Variants in PRKDC observed in about 807,000 individuals in gnomAD.
PRKDC encodes protein kinase, DNA-activated, catalytic subunit.
PRKDC carries 82 observed loss-of-function variants against 486.9 expected under a neutral mutation model. The observed-to-expected ratio is 0.17, with a 90% CI of 0.14 to 0.20. The LOEUF is 0.20. PRKDC is among the 10% of genes least tolerant of loss of function. The pLI is 1.00. For missense variants in PRKDC, 4,504 were observed against 5,038.2 expected, an observed-to-expected ratio of 0.89 and a Z score of 3.21; for synonymous variants, 1,895 against 1,837.0, an observed-to-expected ratio of 1.03 and a Z score of -0.81.
In PRKDC at chr8:47,805,461, C is replaced by T. The variant is rs2087198863; in HGVS notation, c.9747+1676G>A. 2.6e-5 allele frequency among the ~76,000 whole-genome samples: 4 copies of T among 152,122 alleles called. No homozygotes were observed. In the South Asian group the frequency reaches 8.3e-4, roughly 32 times the overall value. On this transcript the variant is annotated intron_variant, in intron 69 of 85. Transcript: ENST00000314191. ...TAAATGTCTATTCAAACACTTCATG[C>T]CCATTTCTTAATTGGGTTGTTTGAC...
intron 7 of PRKDC, among the ~76,000 whole-genome samples, chr8:47,952,667 G>A (rs2090644594): frequency 6.6e-6 from 1 of 151,332 alleles, no homozygotes; most frequent in South Asian, 2.1e-4. Context: ...ACCAGCCTGG[G>A]CAACATAATG....
In PRKDC at chr8:47,793,648, GAAATAA is replaced by G. The variant is rs2086923225; in HGVS notation, c.10670+636_10670+641del. 6.2e-4 allele frequency among the ~76,000 whole-genome samples: 17 copies of G among 27,580 alleles called. No homozygotes were observed. In the South Asian group the frequency reaches 0.015, roughly 25 times the overall value. 18.1% of individuals were successfully genotyped at this position (27,580 alleles called of 152,430 possible). The stretch of plus-strand genomic sequence containing the variant: ...TCTCAAAAAAAAAATAAAAAATAAA[GAAATAA>G]AAATAAAAATAAATTAATTTAAAAA... On this transcript the variant is annotated intron_variant, in intron 74 of 85. Transcript: ENST00000314191.
chr8:47,922,000 C>T (rs1024286205), intron 21 of PRKDC, among the ~76,000 whole-genome samples: 8 of 152,070 alleles, frequency 5.3e-5, no homozygotes, highest in African/African-American at 1.4e-4. Context: ...AGGTTGGTCT[C>T]GAACTCATGA....
intron 52 of PRKDC, 94 bp from the exon 53 acceptor site, chr8:47,849,597 A>G: frequency 7.2e-7 from 1 of 1,392,700 alleles, no homozygotes; most frequent in East Asian, 2.4e-5. Context: ...AGTGAGCCCA[A>G]CAAAGGTGCT....
intron 16 of PRKDC, 139 bp downstream of exon 16, chr8:47,932,881 C>T (rs2090280385): frequency 3.3e-6 from 2 of 602,636 alleles, no homozygotes; most frequent in South Asian, 5.9e-5. Flanking sequence ...AGAAATGCAT[C>T]AGTGGCACAT....
chr8:47,880,129 G>A (rs1024976945), intron 38 of PRKDC, among the ~76,000 whole-genome samples: 23 of 152,086 alleles, frequency 1.5e-4, no homozygotes, highest in Non-Finnish European at 2.6e-4. Context: ...GATTACAGGC[G>A]TGAGCCACCG....
chr8:47,936,378 G>C lies in PRKDC; in HGVS notation c.1253C>G (p.Ala418Gly), dbSNP rs976804313. Residue 418 changes from alanine to glycine, a missense_variant, in exon 12 of 86, where the codon GCA becomes GGA. By Grantham distance (60) the Ala-to-Gly change is moderately conservative (BLOSUM62 0). Around this residue, in one of 6 missense-constraint regions of PRKDC, gnomAD observed 1,969 missense variants for 2,068.9 expected, o/e 0.95. Coordinates refer to ENST00000314191, the MANE Select transcript of PRKDC (RefSeq NM_006904.7). Reference protein sequence around the residue: ...YQMPSFLQSVASVLLYLDTVP... With the variant: ...YQMPSFLQSVGSVLLYLDTVP... ...TGTGTCAAGGTACAGCAAGACGCTT[G>C]CAACAGACTGGAGGAAGCTTGGCAT... The C allele has an allele frequency of 3.8e-5, 62 of 1,613,406 alleles. No individual in the cohort carries two copies. Among genetic ancestry groups the C allele is most frequent in the Non-Finnish European group, 5.2e-5 (61 of 1,179,518 alleles).
intron 7 of PRKDC, among the ~76,000 whole-genome samples, chr8:47,945,729 CCT>C (rs2090522536): frequency 6.6e-6 from 1 of 151,574 alleles, no homozygotes; most frequent in South Asian, 2.1e-4. Flanking sequence ...AAAATTCTAT[CCT>C]TTTTTTTTGA....
At chr8:47,915,958 G>A (rs2089975909) in intron 22 of PRKDC, among the ~76,000 whole-genome samples, 1 of 152,102 alleles carries the variant, frequency 6.6e-6, no homozygotes, top group African/African-American at 2.4e-5. Flanking sequence ...TGAACTCTAC[G>A]TACTCTACTA....
chr8:47,847,337 G>C (rs1460022280), intron 54 of PRKDC, among the ~76,000 whole-genome samples: 1 of 152,080 alleles, frequency 6.6e-6, no homozygotes, highest in Non-Finnish European at 1.5e-5. Flanking sequence ...GAACAGAATG[G>C]AGAACCCAGA....
chr8:47,855,309 T>C lies in PRKDC; in HGVS notation c.6674A>G (p.His2225Arg). Residue 2225 changes from histidine to arginine, a missense_variant, in exon 50 of 86, where the codon CAT becomes CGT. By Grantham distance (29) the His-to-Arg change is conservative. Around this residue, in one of 6 missense-constraint regions of PRKDC, gnomAD observed 1,592 missense variants for 1,724.6 expected, o/e 0.92. Coordinates refer to ENST00000314191, the MANE Select transcript of PRKDC (RefSeq NM_006904.7). The part of the protein sequence containing the change: ...LLNFLMKHVF[H>R]PKRAVFRHNL... Reference sequence around the variant, plus strand: ...GTGTCTAAACACAGCTCTTTTTGGATGAAAGACATGTTTCATTAGGAAATT... The same window carrying C: ...GTGTCTAAACACAGCTCTTTTTGGACGAAAGACATGTTTCATTAGGAAATT... 1 of 1,601,016 alleles carries C rather than the reference T, an allele frequency of 6.2e-7. No homozygotes were observed. The highest frequency in any genetic ancestry group is 8.5e-7 in the Non-Finnish European group (1 of 1,172,768).
intron 74 of PRKDC, among the ~76,000 whole-genome samples, chr8:47,790,444 G>T (rs1195480081): frequency 6.6e-6 from 1 of 152,170 alleles, no homozygotes; most frequent in Non-Finnish European, 1.5e-5. Flanking sequence ...CATGTTCATG[G>T]ATGGGAAGAA....
intron 40 of PRKDC, among the ~76,000 whole-genome samples, chr8:47,871,201 A>T (rs1338169391): frequency 6.6e-6 from 1 of 152,192 alleles, no homozygotes; most frequent in Non-Finnish European, 1.5e-5. Context: ...TTCCAAACCT[A>T]TTGAGAAAGA....
At chr8:47,831,732 C>G (rs1347863227) in intron 60 of PRKDC, 82 bp downstream of exon 60, 1 of 1,449,762 alleles carries the variant, frequency 6.9e-7, no homozygotes, top group Non-Finnish European at 9.7e-7. Flanking sequence ...GAGGCAGTGT[C>G]TGGCAGGAAG....
intron 70 of PRKDC, 93 bp from the exon 71 acceptor site, chr8:47,801,079 C>G (rs2087098866): frequency 7.6e-7 from 1 of 1,310,902 alleles, no homozygotes; most frequent in Non-Finnish European, 1.0e-6. Flanking sequence ...GTTTTCTTTT[C>G]TTTTGTTTTT....
chr8:47,782,341 G>T lies in PRKDC; in HGVS notation c.11396+37C>A. ...CAGTCCCGTGGACGCCAAGCAATAT[G>T]CAGCAGCCTACTGGCTGGGAGCAGC... is the stretch of plus-strand genomic sequence containing the variant. On this transcript the variant is annotated intron_variant, in intron 79 of 85. Coordinates refer to ENST00000314191, the MANE Select transcript of PRKDC (RefSeq NM_006904.7). This position sits in a 1 kb window ranked among gnomAD's most constrained non-coding sequence, Gnocchi z 4.9. 2 of 1,609,526 alleles carry T rather than the reference G, an allele frequency of 1.2e-6. No individual in the cohort carries two copies. The highest frequency in any genetic ancestry group is 1.7e-5 in the Admixed American group (1 of 59,276).
Position 47,817,454 on chromosome 8 carries a change from T to G in PRKDC, c.9553A>C (p.Asn3185His), listed in dbSNP as rs777145246. The change falls in exon 68 of 86, where the codon AAT becomes CAT. Residue 3185 changes from asparagine (N) to histidine (H), a missense_variant. Asn to His is a moderately conservative substitution (Grantham distance 68, BLOSUM62 1). Around this residue, in one of 6 missense-constraint regions of PRKDC, gnomAD observed 1,592 missense variants for 1,724.6 expected, o/e 0.92. Transcript: ENST00000314191. ...CTGAAAGGGACCACGTCTTACCGAT[T>G]TGTGATGATGTCATCCCAGATGTTC... Reference protein sequence around the residue: ...PMNIWDDIITNRCFFLSKIEE... With the variant: ...PMNIWDDIITHRCFFLSKIEE... 2 of 1,589,846 alleles carry G rather than the reference T, an allele frequency of 1.3e-6. No homozygotes were observed. The highest frequency in any genetic ancestry group is 2.3e-5 in the South Asian group (2 of 88,296).
intron 30 of PRKDC, among the ~76,000 whole-genome samples, chr8:47,893,789 T>C (rs1206625971): frequency 2.0e-5 from 3 of 152,244 alleles, no homozygotes; most frequent in Non-Finnish European, 2.9e-5. Context: ...ACACAGTAAG[T>C]GCAGTGTTTG....
At position 47,786,873 on chromosome 8, in the gene PRKDC, G is replaced by A. The variant is rs567939855; in HGVS notation, c.10903-1556C>T. The stretch of plus-strand genomic sequence containing the variant: ...CCCTCCTGAGTAGCTGGGACTACAG[G>A]TGCACACCACCGTGCCTGGCTAATT... On this transcript the variant is annotated intron_variant, in intron 76 of 85. Transcript: ENST00000314191. Among the ~76,000 whole-genome samples, 3 of 151,550 alleles carry A rather than the reference G, an allele frequency of 2.0e-5. No individual in the cohort carries two copies. In the South Asian group the frequency reaches 6.3e-4, roughly 32 times the overall value.
Sources: gnomAD v4.1 joint callset for allele counts (sites outside exome capture counted in the v4.1 genomes callset) on GRCh38, gnomAD v4.1.1 for gene constraint, gnomAD v4.1.1 regional missense constraint, Gnocchi (gnomAD v3.1) non-coding constraint, MANE v1.5 for transcripts, NCBI Gene and HGNC (gene_info 2026-07-23, HGNC 2026-07-21) for gene names.